The following OR7E24 variants were observed in gnomAD, a reference collection of about 807,000 sequenced individuals.
OR7E24 encodes olfactory receptor family 7 subfamily E member 24.
For missense variants in OR7E24, 385 were observed against 410.3 expected (o/e 0.94, Z 0.53); for synonymous variants, 130 against 157.5 (o/e 0.83, Z 1.31).
the OR7E24 span, among the ~76,000 whole-genome samples, chr19:9,229,558 A>G: frequency 2.6e-5 from 4 of 152,020 alleles, no homozygotes; most frequent in East Asian, 7.7e-4. Context: ...AAGAAAGAAA[A>G]GAAAAAAAGA....
chr19:9,214,121 G>A, the OR7E24 span: 7 of 1,614,066 alleles, frequency 4.3e-6, no homozygotes, highest in Admixed American at 5.0e-5. Context: ...ATCCACAGGT[G>A]GAAAAGGCTT....
At chr19:9,224,838 T>C in the OR7E24 span, among the ~76,000 whole-genome samples, 1 of 151,914 alleles carries the variant, frequency 6.6e-6, no homozygotes, top group Non-Finnish European at 1.5e-5. Context: ...TTCAACACCA[T>C]AGATCTAGCA....
At chr19:9,246,468 GTGT>G (rs1568335106), upstream of OR7E24, among the ~76,000 whole-genome samples, 3,118 of 107,100 alleles carry the variant, frequency 0.029, 89 homozygotes, top group African/African-American at 0.087. Flanking sequence ...TAAAGGTATT[GTGT>G]GTGTGTGTGT....
upstream of OR7E24, among the ~76,000 whole-genome samples, chr19:9,243,108 T>C (rs2066120565): frequency 6.6e-6 from 1 of 152,154 alleles, no homozygotes; most frequent in African/African-American, 2.4e-5. Flanking sequence ...CCACAGAATG[T>C]GGACTGTGTT....
chr19:9,235,349 T>A, the OR7E24 span: 1 of 1,378,344 alleles, frequency 7.3e-7, no homozygotes, highest in Non-Finnish European at 1.0e-6. Flanking sequence ...TTGTCCTTTG[T>A]GGACACCTGT....
chr19:9,239,571 T>C, the OR7E24 span, among the ~76,000 whole-genome samples: 1 of 152,212 alleles, frequency 6.6e-6, no homozygotes, highest in East Asian at 1.9e-4. Context: ...CTGAGTGTTT[T>C]TTCATATACC....
At chr19:9,246,567 G>A (rs937727421), upstream of OR7E24, among the ~76,000 whole-genome samples, 11 of 149,660 alleles carry the variant, frequency 7.3e-5, no homozygotes, top group African/African-American at 2.7e-4. Flanking sequence ...TTATAGCAGC[G>A]TTATTCACAA....
the OR7E24 span, chr19:9,211,731 C>CTACTCGAGA: frequency 6.8e-6 from 1 of 146,754 alleles, no homozygotes; most frequent in East Asian, 2.1e-4. Flanking sequence ...GTAATCCCAG[C>CTACTCGAGA]GCCACTGTGC....
chr19:9,252,108 C>G lies in OR7E24; in HGVS notation c.*45C>G, dbSNP rs1238627564. 2.0e-6 allele frequency: 3 copies of G among 1,533,180 alleles called. No homozygotes were observed. The highest frequency in any genetic ancestry group is 2.7e-6 in the Non-Finnish European group (3 of 1,125,908). 95.0% of individuals were successfully genotyped at this position (1,533,180 alleles called of 1,614,324 possible). On this transcript the variant is annotated 3_prime_UTR_variant, in exon 1 of 1. Transcript: ENST00000456448. ...CACCTAGGCCTGCAAATTCTGCCTCCTTGGTCACATTATTTTGGTTGCTTG... is the reference window on the plus strand; with the variant it reads ...CACCTAGGCCTGCAAATTCTGCCTCGTTGGTCACATTATTTTGGTTGCTTG...
the OR7E24 span, among the ~76,000 whole-genome samples, chr19:9,218,880 C>T: frequency 2.6e-5 from 4 of 152,060 alleles, no homozygotes; most frequent in Non-Finnish European, 4.4e-5. Context: ...GTGATCTGCC[C>T]GCCTCGGCCT....
the OR7E24 span, among the ~76,000 whole-genome samples, chr19:9,240,839 A>G: frequency 6.6e-6 from 1 of 152,056 alleles, no homozygotes; most frequent in Admixed American, 6.6e-5. Context: ...TTATTTTGAG[A>G]CACAGTCTCT....
chr19:9,215,250 G>A, the OR7E24 span, among the ~76,000 whole-genome samples: 1 of 147,738 alleles, frequency 6.8e-6, no homozygotes, highest in Admixed American at 7.1e-5. Context: ...GGCTGAGGCA[G>A]GAGAATCGCT....
chr19:9,236,142 C>T, the OR7E24 span: 5 of 845,118 alleles, frequency 5.9e-6, no homozygotes, highest in Non-Finnish European at 9.6e-6. Context: ...TGTGAATGCG[C>T]ATATCCTAGA....
chr19:9,233,424 C>A, the OR7E24 span, among the ~76,000 whole-genome samples: 1 of 152,050 alleles, frequency 6.6e-6, no homozygotes, highest in African/African-American at 2.4e-5. Context: ...ACACTGCAAC[C>A]CCACTGGAAA....
the OR7E24 span, among the ~76,000 whole-genome samples, chr19:9,237,688 A>C: frequency 6.6e-6 from 1 of 152,168 alleles, no homozygotes; most frequent in Non-Finnish European, 1.5e-5. Context: ...CTAGATGTGC[A>C]GACTGCAAAG....
the OR7E24 span, among the ~76,000 whole-genome samples, chr19:9,237,384 C>G: frequency 6.6e-6 from 1 of 152,124 alleles, no homozygotes; most frequent in African/African-American, 2.4e-5. Context: ...GATCTCGGCT[C>G]ACTGCAAGCT....
the OR7E24 span, among the ~76,000 whole-genome samples, chr19:9,233,009 T>TC: frequency 6.7e-6 from 1 of 148,440 alleles, no homozygotes; most frequent in East Asian, 2.0e-4. Flanking sequence ...ACCCTCACTC[T>TC]CCACTCTCCA....
At chr19:9,249,539 T>C (rs769562153), upstream of OR7E24, among the ~76,000 whole-genome samples, 6 of 151,968 alleles carry the variant, frequency 3.9e-5, no homozygotes, top group Non-Finnish European at 8.8e-5. Flanking sequence ...TTTACAGGCA[T>C]AAAAAAAGAG....
the OR7E24 span, among the ~76,000 whole-genome samples, chr19:9,237,862 A>C: frequency 6.6e-6 from 1 of 152,346 alleles, no homozygotes; most frequent in African/African-American, 2.4e-5. Context: ...TATGGTAATT[A>C]TATGTTTAAC....
Sources: gnomAD v4.1 joint callset for allele counts (sites outside exome capture counted in the v4.1 genomes callset) on GRCh38, gnomAD v4.1.1 for gene constraint, MANE v1.5 for transcripts, NCBI Gene and HGNC (gene_info 2026-07-23, HGNC 2026-07-21) for gene names.